The following FGF14 variants were observed in gnomAD, a reference collection of about 807,000 sequenced individuals.
FGF14 encodes the protein fibroblast growth factor 14, also known as fibroblast growth factor homologous factor 4.
FGF14 carries 5 observed loss-of-function variants against 25.5 expected under a neutral mutation model. The ratio of observed to expected loss-of-function variants is 0.20; its 90% CI spans 0.10 to 0.41. The LOEUF (loss-of-function observed/expected upper bound fraction) is 0.41, where lower values mean the gene tolerates loss of function less well. FGF14 is among the 10% of genes least tolerant of loss of function. The probability of loss-of-function intolerance (pLI) is 1.00; values close to 1 mark genes in which losing one functional copy is unlikely to be tolerated. For synonymous variants in FGF14, 138 were observed against 118.3 expected (o/e 1.17, Z -1.08); for missense variants, 222 against 320.1 (o/e 0.69, Z 2.34).
At chr13:102,201,617 C>G (rs2049655065) in intron 1 of FGF14, among the ~76,000 whole-genome samples, 1 of 152,068 alleles carries the variant, frequency 6.6e-6, no homozygotes, top group African/African-American at 2.4e-5. Flanking sequence ...GGATGCAAAA[C>G]CTTAGATGGT....
chr13:101,793,129 C>T (rs2040333086), intron 3 of FGF14, among the ~76,000 whole-genome samples: 1 of 152,042 alleles, frequency 6.6e-6, no homozygotes, highest in Admixed American at 6.6e-5. Context: ...ATTATTTATC[C>T]TATCTAACTG....
chr13:101,953,707 C>G (rs1451489031), intron 1 of FGF14, among the ~76,000 whole-genome samples: 1 of 151,772 alleles, frequency 6.6e-6, no homozygotes, highest in Non-Finnish European at 1.5e-5. Context: ...TCTCCTGCCT[C>G]AGCCTCCCAA....
At chr13:101,948,472 T>A (rs57955027) in intron 1 of FGF14, among the ~76,000 whole-genome samples, 123,797 of 143,292 alleles carry the variant, frequency 0.86, 52,736 homozygotes, top group Non-Finnish European at 0.93. Flanking sequence ...AATAAAAAAA[T>A]ATATATATAT....
chr13:102,218,978 A>G (rs1464982154), intron 1 of FGF14, among the ~76,000 whole-genome samples: 1 of 152,186 alleles, frequency 6.6e-6, no homozygotes, highest in Non-Finnish European at 1.5e-5. Context: ...TATGCAGTAC[A>G]TGATGTATTT....
chr13:102,028,868 T>G (rs1049774860), intron 1 of FGF14, among the ~76,000 whole-genome samples: 1 of 152,058 alleles, frequency 6.6e-6, no homozygotes, highest in Non-Finnish European at 1.5e-5. Context: ...GTTAATCTTG[T>G]GTATGGCATT....
intron 1 of FGF14, among the ~76,000 whole-genome samples, chr13:102,112,376 A>G (rs2140327117): frequency 6.6e-6 from 1 of 151,874 alleles, no homozygotes; most frequent in Non-Finnish European, 1.5e-5. Flanking sequence ...CCCCCAGCCC[A>G]AAGAGCTGTC....
intron 1 of FGF14, among the ~76,000 whole-genome samples, chr13:102,308,027 G>A (rs992019344): frequency 6.6e-6 from 1 of 152,168 alleles, no homozygotes; most frequent in Non-Finnish European, 1.5e-5. Context: ...ACTGACCTCA[G>A]AACAGGCCCT....
chr13:101,924,904 A>C lies in FGF14; in HGVS notation c.209-49608T>G, dbSNP rs116562763. ...TGTAGAATAAGAACTCTTACATGGG[A>C]GCCAAGGACTTCCAGAAGCTCCAAG... is the stretch of plus-strand genomic sequence containing the variant. On this transcript the variant is annotated intron_variant, in intron 1 of 4. Transcript: ENST00000376131. 7.5e-3 allele frequency among the ~76,000 whole-genome samples: 1,149 copies of C among 152,312 alleles called. 13 individuals carry two copies. The highest frequency in any genetic ancestry group is 0.026 in the African/African-American group (1,077 of 41,572).
intron 1 of FGF14, among the ~76,000 whole-genome samples, chr13:102,180,582 G>A (rs928278152): frequency 1.3e-5 from 2 of 152,128 alleles, no homozygotes; most frequent in African/African-American, 4.8e-5. Flanking sequence ...AAAGTGCCTG[G>A]ATTACAGGCG....
chr13:101,945,515 G>A (rs760511355), intron 1 of FGF14, among the ~76,000 whole-genome samples: 114 of 152,146 alleles, frequency 7.5e-4, no homozygotes, highest in Non-Finnish European at 1.5e-4. Flanking sequence ...CTCTATCTTG[G>A]CAGGGATGCT....
At chr13:102,161,620 A>T (rs1414290617) in intron 1 of FGF14, among the ~76,000 whole-genome samples, 4 of 5,880 alleles carry the variant, frequency 6.8e-4, no homozygotes, top group African/African-American at 5.2e-3. Flanking sequence ...GAAGAAGAAG[A>T]AGAAGAAGAA....
At chr13:101,991,174 T>C (rs551338842) in intron 1 of FGF14, among the ~76,000 whole-genome samples, 2 of 152,266 alleles carry the variant, frequency 1.3e-5, no homozygotes, top group Admixed American at 6.5e-5. Context: ...TTGTATACTA[T>C]GTAAAATTTA....
At chr13:102,192,138 C>T (rs965546967) in intron 1 of FGF14, among the ~76,000 whole-genome samples, 1 of 152,212 alleles carries the variant, frequency 6.6e-6, no homozygotes, top group African/African-American at 2.4e-5. Context: ...TGGTCCCACC[C>T]TTTGCCACAA....
chr13:101,799,804 T>G (rs1050067577), intron 3 of FGF14, among the ~76,000 whole-genome samples: 1 of 152,044 alleles, frequency 6.6e-6, no homozygotes, highest in Non-Finnish European at 1.5e-5. Flanking sequence ...CTAAGGACTT[T>G]ATAAAAATGC....
chr13:102,023,707 T>G (rs893393944), intron 1 of FGF14, among the ~76,000 whole-genome samples: 1 of 152,088 alleles, frequency 6.6e-6, no homozygotes, highest in Non-Finnish European at 1.5e-5. Context: ...TGCAGCCTTT[T>G]GTCTGTCTTC....
chr13:101,802,481 A>G (rs369580540), intron 3 of FGF14: 1 of 176,438 alleles, frequency 5.7e-6, no homozygotes. Flanking sequence ...CTTTGTGAAT[A>G]CTTTAGAGGA....
intron 1 of FGF14, among the ~76,000 whole-genome samples, chr13:102,375,487 G>A (rs902839113): frequency 1.2e-4 from 19 of 152,212 alleles, no homozygotes; most frequent in Admixed American, 6.5e-4. Flanking sequence ...ATTTAATAAC[G>A]TTGTAGAAGA....
At chr13:102,173,911 A>G (rs904204421) in intron 1 of FGF14, among the ~76,000 whole-genome samples, 13 of 152,146 alleles carry the variant, frequency 8.5e-5, no homozygotes, top group African/African-American at 3.1e-4. Context: ...CACCAATGCT[A>G]TTCAGTATAG....
Position 102,241,063 on chromosome 13 carries a change from C to T in FGF14, c.208+160408G>A, listed in dbSNP as rs191767660. Among the ~76,000 whole-genome samples the T allele has an allele frequency of 1.2e-3, 176 of 152,054 alleles. 2 individuals are homozygous for T. The highest frequency in any genetic ancestry group is 3.8e-3 in the African/African-American group (158 of 41,488). On this transcript the variant is annotated intron_variant, in intron 1 of 4. Coordinates refer to the FGF14 transcript ENST00000376131. ...ACATGAATAAAGATGTTTGGCTTTA[C>T]CAGAAATCAGGAAAACACAAATTAA...
Sources: allele counts gnomAD v4.1 joint callset (sites outside exome capture counted in the v4.1 genomes callset), GRCh38; gene constraint gnomAD v4.1.1; transcripts MANE v1.5; gene names NCBI Gene and HGNC (gene_info 2026-07-23, HGNC 2026-07-21).